PRKCE: variants seen among roughly 807,000 people sequenced by gnomAD.
The protein encoded by PRKCE is protein kinase C epsilon type.
PRKCE carries 16 observed loss-of-function variants against 85.4 expected under a neutral mutation model. That is an observed-to-expected ratio of 0.19 (90% CI 0.13 to 0.28). PRKCE has a LOEUF of 0.28. Ranked by LOEUF, PRKCE falls within the 10% of genes least tolerant of loss-of-function variation. PRKCE has a pLI of 1.00. For missense variants in PRKCE, 573 were observed against 975.2 expected, an observed-to-expected ratio of 0.59 and a Z score of 5.49; for synonymous variants, 388 against 371.5, an observed-to-expected ratio of 1.04 and a Z score of -0.51.
chr2:45,734,863 A>G (rs1409829939), intron 1 of PRKCE, among the ~76,000 whole-genome samples: 2 of 152,314 alleles, frequency 1.3e-5, no homozygotes, highest in East Asian at 1.9e-4. Context: ...GTTTATGGGA[A>G]AGGTCTAGCC....
intron 1 of PRKCE, among the ~76,000 whole-genome samples, chr2:45,729,181 C>A (rs888336954): frequency 6.6e-6 from 1 of 152,304 alleles, no homozygotes; most frequent in East Asian, 1.9e-4. Context: ...CCCGAAGGAG[C>A]TGATACCACG....
intron 1 of PRKCE, among the ~76,000 whole-genome samples, chr2:45,825,875 A>G (rs958555778): frequency 6.6e-6 from 1 of 152,128 alleles, no homozygotes. Flanking sequence ...GCAACAGAGC[A>G]AGATCCTATT....
intron 2 of PRKCE, among the ~76,000 whole-genome samples, chr2:45,893,230 A>T (rs1203347266): frequency 6.6e-6 from 1 of 152,154 alleles, no homozygotes; most frequent in Non-Finnish European, 1.5e-5. Flanking sequence ...TGGTGATAGA[A>T]GGGCATGACC....
chr2:46,090,426 G>A (rs1038183277), intron 11 of PRKCE, among the ~76,000 whole-genome samples: 4 of 151,952 alleles, frequency 2.6e-5, no homozygotes, highest in Non-Finnish European at 5.9e-5. Context: ...CCACCCTTGG[G>A]TTTTTACTTA....
intron 1 of PRKCE, among the ~76,000 whole-genome samples, chr2:45,738,637 T>C (rs1312763436): frequency 6.6e-6 from 1 of 152,250 alleles, no homozygotes; most frequent in Admixed American, 6.5e-5. Context: ...TGAATTGTAC[T>C]GAATTTGAGC....
intron 2 of PRKCE, among the ~76,000 whole-genome samples, chr2:45,974,716 C>A (rs1476427247): frequency 3.3e-5 from 5 of 152,188 alleles, no homozygotes; most frequent in African/African-American, 9.7e-5. Context: ...CTTCAGGGAA[C>A]CTTACATTCA....
At chr2:46,178,054 G>A (rs780167817) in intron 14 of PRKCE, among the ~76,000 whole-genome samples, 10 of 152,198 alleles carry the variant, frequency 6.6e-5, no homozygotes, top group Non-Finnish European at 1.3e-4. Context: ...GAGGTCAGGA[G>A]TTCGAGACCA....
At chr2:45,883,407 C>T (rs1237725346) in intron 2 of PRKCE, among the ~76,000 whole-genome samples, 3 of 152,216 alleles carry the variant, frequency 2.0e-5, no homozygotes, top group African/African-American at 4.8e-5. Flanking sequence ...GCTGCTGGCT[C>T]AGCTGTGGCC....
At chr2:45,965,730 A>G (rs565781761) in intron 2 of PRKCE, among the ~76,000 whole-genome samples, 4 of 152,348 alleles carry the variant, frequency 2.6e-5, no homozygotes, top group Non-Finnish European at 5.9e-5. Context: ...ATAGCTTATT[A>G]TATACCCTTG....
rs77411386 is a variant in PRKCE at position 45,807,069 on chromosome 2, G to A, written c.349-35931G>A. Among the ~76,000 whole-genome samples the A allele has an allele frequency of 7.5e-3, 1,142 of 152,302 alleles. 8 individuals carry two copies. Among genetic ancestry groups the A allele is most frequent in the African/African-American group, 0.026 (1,090 of 41,562 alleles). Reference sequence around the variant, plus strand: ...AGGCTGTGGGATTCAGGGCTGGCACGGGCTGGGGAGCAGATAGGCCTTGGT... The same window carrying A: ...AGGCTGTGGGATTCAGGGCTGGCACAGGCTGGGGAGCAGATAGGCCTTGGT... On this transcript the variant is annotated intron_variant, in intron 1 of 14. Coordinates refer to ENST00000306156, the MANE Select transcript of PRKCE (RefSeq NM_005400.3).
intron 10 of PRKCE, among the ~76,000 whole-genome samples, chr2:46,018,562 A>G (rs1706367990): frequency 6.6e-6 from 1 of 152,190 alleles, no homozygotes; most frequent in Non-Finnish European, 1.5e-5. Context: ...TGTTGGCCTG[A>G]TCTTCTTTTG....
At chr2:45,773,780 C>G (rs1451427313) in intron 1 of PRKCE, among the ~76,000 whole-genome samples, 4 of 152,154 alleles carry the variant, frequency 2.6e-5, no homozygotes, top group African/African-American at 9.7e-5. Flanking sequence ...GGCTGCTTCT[C>G]ACCTCCTTCC....
At chr2:45,823,590 G>A (rs1689710356) in intron 1 of PRKCE, among the ~76,000 whole-genome samples, 1 of 152,216 alleles carries the variant, frequency 6.6e-6, no homozygotes, top group South Asian at 2.1e-4. Flanking sequence ...GAAAGTCGGG[G>A]GTAGGGAGCA....
At position 45,717,724 on chromosome 2, in the gene PRKCE, T is replaced by C. The variant is rs77208696; in HGVS notation, c.348+65276T>C. Among the ~76,000 whole-genome samples, 1,089 of 152,294 alleles carry C rather than the reference T, an allele frequency of 7.2e-3. 14 individuals carry two copies. The highest frequency in any genetic ancestry group is 0.024 in the African/African-American group (986 of 41,582). Reference sequence around the variant, plus strand: ...CTTCTGCCCCTGTTTTGGGGACTCCTGAGGGTCCCTTACCCACTGGTCTGG... The same window carrying C: ...CTTCTGCCCCTGTTTTGGGGACTCCCGAGGGTCCCTTACCCACTGGTCTGG... On this transcript the variant is annotated intron_variant, in intron 1 of 14. Transcript: ENST00000306156.
rs34473239 is a variant in PRKCE at position 45,934,648 on chromosome 2, C to CAA, written c.413-41768_413-41767dup. 8.9e-4 allele frequency among the ~76,000 whole-genome samples: 118 copies of CAA among 132,116 alleles called. 1 individual carries two copies. Among genetic ancestry groups the CAA allele is most frequent in the South Asian group, 3.7e-3 (16 of 4,272 alleles). 86.7% of individuals were successfully genotyped at this position (132,116 alleles called of 152,430 possible). A position where few individuals can be genotyped will look rare whatever the true frequency, so the allele number is the denominator to read the frequency against. On this transcript the variant is annotated intron_variant, in intron 2 of 14. Transcript: ENST00000306156. ...TGGGTGATAAAGCGAGACTCTGCCT[C>CAA]AAAAAAAAAAAAAATTACTGCTAAA...
intron 12 of PRKCE, 143 bp from the exon 13 acceptor site, chr2:46,150,898 C>G (rs1201032509): frequency 7.7e-6 from 5 of 647,832 alleles, no homozygotes; most frequent in Admixed American, 3.3e-5. Flanking sequence ...ACTGAATTTG[C>G]TGATTTAGAA....
At chr2:45,970,080 A>G (rs1202334478) in intron 2 of PRKCE, among the ~76,000 whole-genome samples, 1 of 152,220 alleles carries the variant, frequency 6.6e-6, no homozygotes, top group Non-Finnish European at 1.5e-5. Flanking sequence ...TTGCCGAATC[A>G]AAGGATGTGA....
intron 11 of PRKCE, 76 bp downstream of exon 11, chr2:46,086,438 C>T: frequency 1.3e-6 from 2 of 1,495,414 alleles, no homozygotes; most frequent in Non-Finnish European, 1.8e-6. Context: ...CTGACTTCAG[C>T]TCCTGCCCAC....
At chr2:46,147,806 A>G (rs1292113862) in intron 12 of PRKCE, among the ~76,000 whole-genome samples, 1 of 152,202 alleles carries the variant, frequency 6.6e-6, no homozygotes, top group Non-Finnish European at 1.5e-5. Flanking sequence ...AGGAAACGCA[A>G]TCCTGAGAAT....
Sources: allele counts gnomAD v4.1 joint callset (sites outside exome capture counted in the v4.1 genomes callset), GRCh38; gene constraint gnomAD v4.1.1; transcripts MANE v1.5; gene names NCBI Gene and HGNC (gene_info 2026-07-23, HGNC 2026-07-21).